Variants in SPOCK3 observed in about 807,000 individuals in gnomAD.
SPOCK3 encodes the protein testican-3.
Under a neutral mutation model 56.6 loss-of-function variants are expected in SPOCK3, and 30 were observed. That is an observed-to-expected ratio of 0.53 (90% CI 0.40 to 0.72). The LOEUF (loss-of-function observed/expected upper bound fraction) is 0.72. Among genes scored for constraint, SPOCK3 ranks in the 30% least tolerant of loss-of-function variants. The probability of loss-of-function intolerance (pLI) is 0.00; values close to 1 mark genes in which losing one functional copy is unlikely to be tolerated. For missense variants in SPOCK3, 527 were observed against 530.0 expected, an observed-to-expected ratio of 0.99 and a Z score of 0.06; for synonymous variants, 196 against 183.3, an observed-to-expected ratio of 1.07 and a Z score of -0.56.
intron 8 of SPOCK3, among the ~76,000 whole-genome samples, chr4:166,752,803 G>A (rs1205292312): frequency 6.6e-6 from 1 of 151,918 alleles, no homozygotes; most frequent in African/African-American, 2.4e-5. Context: ...GAGAACTTTT[G>A]TAACTTCTAG....
intron 2 of SPOCK3, among the ~76,000 whole-genome samples, chr4:167,219,084 T>C (rs1359262109): frequency 6.6e-6 from 1 of 152,184 alleles, no homozygotes; most frequent in African/African-American, 2.4e-5. Context: ...ACTAGGTTAA[T>C]GCTGTTGATA....
At chr4:167,056,835 G>C (rs1268524201) in intron 3 of SPOCK3, among the ~76,000 whole-genome samples, 2 of 152,316 alleles carry the variant, frequency 1.3e-5, no homozygotes, top group South Asian at 2.1e-4. Flanking sequence ...GTGACGGGGA[G>C]AATAGAACCA....
chr4:167,186,777 G>C (rs139067495), intron 2 of SPOCK3, among the ~76,000 whole-genome samples: 232 of 152,002 alleles, frequency 1.5e-3, no homozygotes, highest in African/African-American at 5.5e-3. Flanking sequence ...AGGAGTTCAA[G>C]ACCAGACTGG....
intron 2 of SPOCK3, among the ~76,000 whole-genome samples, chr4:167,068,569 A>G (rs1014951193): frequency 6.6e-6 from 1 of 151,830 alleles, no homozygotes; most frequent in Non-Finnish European, 1.5e-5. Context: ...GAAGATTATA[A>G]TATATGGAAT....
chr4:166,897,927 T>C (rs894452179), intron 5 of SPOCK3, among the ~76,000 whole-genome samples: 5 of 152,154 alleles, frequency 3.3e-5, no homozygotes, highest in Non-Finnish European at 7.4e-5. Context: ...TCATGGCTTA[T>C]GCCTGTAATC....
chr4:167,119,789 A>T, intron 2 of SPOCK3: 1 of 1,531,364 alleles, frequency 6.5e-7, no homozygotes, highest in East Asian at 2.5e-5. Flanking sequence ...AACAATTTTC[A>T]TTACCTGACT....
At chr4:166,915,600 T>C (rs1737759210) in intron 4 of SPOCK3, among the ~76,000 whole-genome samples, 1 of 152,128 alleles carries the variant, frequency 6.6e-6, no homozygotes, top group South Asian at 2.1e-4. Context: ...GAGCAACGTG[T>C]TTCTAAGAGA....
chr4:167,022,518 G>T (rs1751288383), intron 3 of SPOCK3, among the ~76,000 whole-genome samples: 1 of 151,998 alleles, frequency 6.6e-6, no homozygotes, highest in Admixed American at 6.6e-5. Context: ...AGATGCCCAT[G>T]GTGCTGAGCC....
chr4:167,075,438 G>A (rs1486814070), intron 2 of SPOCK3, among the ~76,000 whole-genome samples: 2 of 151,862 alleles, frequency 1.3e-5, no homozygotes, highest in African/African-American at 2.4e-5. Context: ...ATGACATAGA[G>A]AAATGCAGTT....
chr4:167,210,829 G>C (rs1229385056), intron 2 of SPOCK3, among the ~76,000 whole-genome samples: 2 of 152,026 alleles, frequency 1.3e-5, no homozygotes, highest in African/African-American at 2.4e-5. Context: ...CTCTCTCTCT[G>C]TGTATCTCTC....
chr4:167,068,946 A>G (rs1756414136), intron 2 of SPOCK3, among the ~76,000 whole-genome samples: 1 of 151,922 alleles, frequency 6.6e-6, no homozygotes, highest in Non-Finnish European at 1.5e-5. Flanking sequence ...CCTAACTTAT[A>G]AACATGTTGA....
At chr4:167,174,973 T>A (rs967629318) in intron 2 of SPOCK3, among the ~76,000 whole-genome samples, 2 of 152,128 alleles carry the variant, frequency 1.3e-5, no homozygotes, top group Non-Finnish European at 2.9e-5. Flanking sequence ...CAGATTTTTG[T>A]TAATTATGAT....
chr4:166,874,548 G>T (rs1352969781), intron 6 of SPOCK3, among the ~76,000 whole-genome samples: 6 of 152,166 alleles, frequency 3.9e-5, no homozygotes, highest in African/African-American at 1.4e-4. Flanking sequence ...TGTAGAAGAG[G>T]AAACTGAATT....
chr4:166,895,239 T>G (rs937890670), intron 5 of SPOCK3, among the ~76,000 whole-genome samples: 13 of 152,072 alleles, frequency 8.5e-5, no homozygotes, highest in Non-Finnish European at 2.9e-5. Context: ...CATTTTTTAT[T>G]ATTTACCTTA....
intron 3 of SPOCK3, among the ~76,000 whole-genome samples, chr4:167,054,408 C>T (rs1397826755): frequency 6.6e-6 from 1 of 152,106 alleles, no homozygotes; most frequent in Non-Finnish European, 1.5e-5. Flanking sequence ...ATGCATTTTC[C>T]CTTCAGTTTA....
At chr4:166,950,542 C>A (rs545883937) in intron 4 of SPOCK3, among the ~76,000 whole-genome samples, 1 of 151,940 alleles carries the variant, frequency 6.6e-6, no homozygotes, top group African/African-American at 2.4e-5. Flanking sequence ...AGAAAGTTAA[C>A]AAGAATACCC....
chr4:167,086,635 C>T (rs1470895879), intron 2 of SPOCK3, among the ~76,000 whole-genome samples: 1 of 152,062 alleles, frequency 6.6e-6, no homozygotes, highest in East Asian at 1.9e-4. Flanking sequence ...ACAATCAACA[C>T]TTTTATTCTT....
chr4:167,047,435 T>C (rs934766650), intron 3 of SPOCK3, among the ~76,000 whole-genome samples: 10 of 152,218 alleles, frequency 6.6e-5, no homozygotes, highest in African/African-American at 2.4e-4. Flanking sequence ...AAACTTTTGT[T>C]TCTTTTTGCA....
intron 2 of SPOCK3, among the ~76,000 whole-genome samples, chr4:167,100,356 A>AAAACATCCTGAAGGTATCT (rs1181683246): frequency 1.3e-5 from 2 of 151,020 alleles, no homozygotes; most frequent in Non-Finnish European, 3.0e-5. Flanking sequence ...TCAGTAATCA[A>AAAACATCCTGAAGGTATCT]AAACATCCTG....
Sources: gnomAD v4.1 joint callset for allele counts (sites outside exome capture counted in the v4.1 genomes callset) on GRCh38, gnomAD v4.1.1 for gene constraint, MANE v1.5 for transcripts, NCBI Gene and HGNC (gene_info 2026-07-23, HGNC 2026-07-21) for gene names.